Variants in CNTN2 observed in about 807,000 individuals in gnomAD.
The protein encoded by CNTN2 is contactin 2, also known as contactin-2.
CNTN2 carries 53 observed loss-of-function variants against 117.5 expected under a neutral mutation model. The ratio of observed to expected loss-of-function variants is 0.45; its 90% CI spans 0.36 to 0.57. The LOEUF is 0.57. Among genes scored for constraint, CNTN2 ranks in the 20% least tolerant of loss-of-function variants. The pLI, the probability that CNTN2 is intolerant of heterozygous loss-of-function variation, is 0.00. For synonymous variants in CNTN2, 530 were observed against 561.7 expected (o/e 0.94, Z 0.80); for missense variants, 1,106 against 1,404.3 (o/e 0.79, Z 3.39).
intron 1 of CNTN2, among the ~76,000 whole-genome samples, chr1:205,047,962 A>G (rs1370507226): frequency 1.3e-5 from 2 of 152,150 alleles, no homozygotes; most frequent in Admixed American, 6.5e-5. Context: ...AGTTAGTTTT[A>G]TTAGGGTTAT....
At chr1:205,072,950 G>A (rs1406853106) in intron 21 of CNTN2, 118 bp from the exon 22 acceptor site, 6 of 1,073,156 alleles carry the variant, frequency 5.6e-6, no homozygotes, top group Non-Finnish European at 8.1e-6. Flanking sequence ...GAGGGGTGAG[G>A]AGGCTGGACC....
At chr1:205,053,364 A>C (rs2096456115) in intron 2 of CNTN2, 109 bp downstream of exon 2, 3 of 874,476 alleles carry the variant, frequency 3.4e-6, no homozygotes, top group Admixed American at 6.3e-5. Context: ...GCATTGTGGG[A>C]GCAGCTAGAT....
chr1:205,065,233 C>G lies in CNTN2; in HGVS notation c.1666C>G (p.Pro556Ala), dbSNP rs1064795601. The change falls in exon 13 of 23, where the codon CCT becomes GCT. Residue 556 changes from proline to alanine, a missense_variant. Physicochemically the swap from Pro to Ala is conservative, Grantham distance 27. Coordinates refer to ENST00000331830, the MANE Select transcript of CNTN2 (RefSeq NM_005076.5). This position sits in a 1 kb window ranked among gnomAD's most constrained non-coding sequence, Gnocchi z 4.1. ...CGACTTCCCCATCGACTTTGATAAG[C>G]CTGGAGGGCACTACCGGAGAACTAA... ...LDDFPIDFDK[P>A]GGHYRRTNVK... 9 of 1,614,054 alleles carry G rather than the reference C, an allele frequency of 5.6e-6. No homozygotes were observed. Among genetic ancestry groups the G allele is most frequent in the Non-Finnish European group, 6.8e-6 (8 of 1,180,036 alleles).
rs917066238 is a variant in CNTN2, at chr1:205,073,898, C to T, written c.*133C>T. The T allele has an allele frequency of 3.0e-6, 2 of 676,276 alleles. No homozygotes were observed. Among genetic ancestry groups the T allele is most frequent in the South Asian group, 1.7e-5 (1 of 58,138 alleles). The allele number at this position is 676,276 out of a possible 1,614,324, so 41.9% of individuals were successfully genotyped here. ...TTTTAAATACCTACTTTAAACAGTG[C>T]CCTTTTTGTAGGAGGTAGGATATTT... On this transcript the variant is annotated 3_prime_UTR_variant, in exon 23 of 23. Coordinates refer to ENST00000331830, the MANE Select transcript of CNTN2 (RefSeq NM_005076.5). The surrounding 1 kb of genome is among the most constrained non-coding windows in gnomAD (Gnocchi z 6.3).
At chr1:205,047,351 G>A (rs2096443339) in intron 1 of CNTN2, among the ~76,000 whole-genome samples, 1 of 152,116 alleles carries the variant, frequency 6.6e-6, no homozygotes, top group Non-Finnish European at 1.5e-5. Context: ...CCACCACAGA[G>A]CCCTGTACTG....
chr1:205,076,521 A>G lies in CNTN2; in HGVS notation c.*2756A>G, dbSNP rs1339647925. On this transcript the variant is annotated 3_prime_UTR_variant, in exon 23 of 23. Coordinates refer to ENST00000331830, the MANE Select transcript of CNTN2 (RefSeq NM_005076.5). The stretch of plus-strand genomic sequence containing the variant: ...GATCATGAGACCACAGTTCTGGGTT[A>G]TCTCCTCTCATACATCAAGCCCCAG... The G allele has an allele frequency of 6.6e-6, 1 of 152,094 alleles. No homozygotes were observed. Among genetic ancestry groups the G allele is most frequent in the Non-Finnish European group, 1.5e-5 (1 of 68,026 alleles). 9.4% of individuals were successfully genotyped at this position (152,094 alleles called of 1,614,324 possible).
Position 205,075,213 on chromosome 1 carries a change from T to G in CNTN2, c.*1448T>G. 1 of 267,390 alleles carries G rather than the reference T, an allele frequency of 3.7e-6. No homozygotes were observed. The allele number at this position is 267,390 out of a possible 1,614,324, so 16.6% of individuals were successfully genotyped here. On this transcript the variant is annotated 3_prime_UTR_variant, in exon 23 of 23. Transcript: ENST00000331830. ...GCTATGGCCTGGCTAAGAAGGTGAT[T>G]AGTCAGTAGGGTGTGAAAATTCTAC...
chr1:205,045,432 C>T (rs1232336449), intron 1 of CNTN2, among the ~76,000 whole-genome samples: 3 of 152,320 alleles, frequency 2.0e-5, no homozygotes, highest in Middle Eastern at 3.4e-3. Context: ...TTGCACATCT[C>T]GTCTCTGGCT....
chr1:205,062,245 C>A (rs1654030320), intron 9 of CNTN2, 195 bp from the exon 10 acceptor site: 1 of 869,150 alleles, frequency 1.2e-6, no homozygotes, highest in African/African-American at 1.7e-5. Flanking sequence ...GGTCACCTCA[C>A]CCTTCCAGCT....
intron 18 of CNTN2, 177 bp from the exon 19 acceptor site, chr1:205,070,249 G>T: frequency 1.4e-6 from 1 of 724,346 alleles, no homozygotes; most frequent in Non-Finnish European, 2.3e-6. Context: ...GTTAGGAAAA[G>T]GGAGGCTCTC....
intron 1 of CNTN2, among the ~76,000 whole-genome samples, chr1:205,047,374 T>C (rs572166041): frequency 6.6e-6 from 1 of 152,138 alleles, no homozygotes; most frequent in African/African-American, 2.4e-5. Context: ...CAGAGGGGCA[T>C]GGGGATGGTT....
chr1:205,064,487 C>G lies in CNTN2; in HGVS notation c.1391+15C>G. On this transcript the variant is annotated intron_variant, in intron 11 of 22. Transcript: ENST00000331830. The stretch of plus-strand genomic sequence containing the variant: ...AACAGCAGCAGGTACCACCCACACC[C>G]CACCCTGCACAGTTCCTGCTCCTCC... 6.3e-7 allele frequency: 1 copy of G among 1,595,526 alleles called. No homozygotes were observed. The highest frequency in any genetic ancestry group is 8.6e-7 in the Non-Finnish European group (1 of 1,165,932).
chr1:205,050,671 T>C (rs868658550), intron 1 of CNTN2, among the ~76,000 whole-genome samples: 2 of 152,182 alleles, frequency 1.3e-5, no homozygotes, highest in African/African-American at 4.8e-5. Context: ...CAGGCTGCAG[T>C]GCAATGGCAT....
Position 205,074,936 on chromosome 1 carries a change from T to TA in CNTN2, c.*1174dup. The TA allele has an allele frequency of 2.5e-6, 1 of 398,620 alleles. No homozygotes were observed. The highest frequency in any genetic ancestry group is 4.4e-6 in the Non-Finnish European group (1 of 226,114). 24.7% of individuals were successfully genotyped at this position (398,620 alleles called of 1,614,324 possible). A position where few individuals can be genotyped will look rare whatever the true frequency, so the allele number is the denominator to read the frequency against. Reference sequence around the variant, plus strand: ...ATTTCCCCGGAGAAAAAGGGGTTAATAAATGGGCCATCCTTTCCTGAGCTC... The same window carrying TA: ...ATTTCCCCGGAGAAAAAGGGGTTAATAAAATGGGCCATCCTTTCCTGAGCTC... On this transcript the variant is annotated 3_prime_UTR_variant, in exon 23 of 23. Coordinates refer to ENST00000331830, the MANE Select transcript of CNTN2 (RefSeq NM_005076.5).
At chr1:205,063,063 G>C (rs1410812899) in intron 10 of CNTN2, 1 of 152,336 alleles carries the variant, frequency 6.6e-6, no homozygotes, top group African/African-American at 2.4e-5. Flanking sequence ...ATATTTAGTT[G>C]TGTGACTTGA....
At chr1:205,066,972 G>A (rs1654325111) in intron 15 of CNTN2, 129 bp from the exon 16 acceptor site, 1 of 1,157,424 alleles carries the variant, frequency 8.6e-7, no homozygotes, top group Non-Finnish European at 1.2e-6. Context: ...AAAAGGTACT[G>A]AGTGCTTAGT....
In CNTN2 at chr1:205,058,561, C is replaced by T. The variant is rs780758694; in HGVS notation, c.392-7C>T. 10 of 1,613,142 alleles carry T rather than the reference C, an allele frequency of 6.2e-6. No homozygotes were observed. The highest frequency in any genetic ancestry group is 8.5e-6 in the Non-Finnish European group (10 of 1,179,718). ...ACAGTGCCTGAGCCCCTGGTCTCTG[C>T]CTCCAGTTCTGCAGGAATTCTCCAA... On this transcript the variant is annotated splice_region_variant and splice_polypyrimidine_tract_variant and intron_variant, in intron 4 of 22. Transcript: ENST00000331830. The surrounding 1 kb of genome is among the most constrained non-coding windows in gnomAD (Gnocchi z 4.3).
chr1:205,070,323 G>A, intron 18 of CNTN2, 103 bp from the exon 19 acceptor site: 1 of 842,322 alleles, frequency 1.2e-6, no homozygotes, highest in Admixed American at 2.4e-5. Context: ...CATCCTGAAG[G>A]CTTTCCTCCA....
At chr1:205,057,790 A>T in intron 2 of CNTN2, 131 bp from the exon 3 acceptor site, 1 of 1,074,594 alleles carries the variant, frequency 9.3e-7, no homozygotes, top group Non-Finnish European at 1.3e-6. Flanking sequence ...GCTAGTGGTT[A>T]CCACATTGAA....
Sources: allele counts gnomAD v4.1 joint callset (sites outside exome capture counted in the v4.1 genomes callset), GRCh38; gene constraint gnomAD v4.1.1; non-coding constraint Gnocchi (gnomAD v3.1); transcripts MANE v1.5; gene names NCBI Gene and HGNC (gene_info 2026-07-23, HGNC 2026-07-21).